Variants in DET1 observed in about 807,000 individuals in gnomAD.
DET1 encodes DET1 partner of COP1 E3 ubiquitin ligase, also known as DET1 homolog.
In DET1, 22 loss-of-function variants were observed where a neutral mutation model predicts 43.7. The observed-to-expected ratio is 0.50, with a 90% CI of 0.36 to 0.72. The LOEUF (loss-of-function observed/expected upper bound fraction) is 0.72. DET1 is among the 30% of genes least tolerant of loss of function. DET1 has a pLI of 0.00. For synonymous variants in DET1, 315 were observed against 266.2 expected (o/e 1.18, Z -1.79); for missense variants, 713 against 713.3 (o/e 1.00, Z 0.00).
At chr15:88,508,942 C>T (rs1390451530), downstream of DET1, among the ~76,000 whole-genome samples, 1 of 152,150 alleles carries the variant, frequency 6.6e-6, no homozygotes, top group Non-Finnish European at 1.5e-5. Flanking sequence ...GGAACAAAGA[C>T]CAGGGTCTTT....
chr15:88,542,460 G>A (rs780155267), intron 1 of DET1, among the ~76,000 whole-genome samples: 3 of 152,106 alleles, frequency 2.0e-5, no homozygotes, highest in African/African-American at 4.8e-5. Flanking sequence ...GTCTCCAGGA[G>A]GCTTATCGCA....
At chr15:88,530,557 A>G in intron 2 of DET1, 66 bp downstream of exon 2, 9 of 1,524,354 alleles carry the variant, frequency 5.9e-6, no homozygotes, top group Non-Finnish European at 7.9e-6. Flanking sequence ...GCTATAAACA[A>G]ACAGAGAAAC....
Position 88,530,773 on chromosome 15 carries a change from A to G in DET1, c.933T>C (p.Gly311=), listed in dbSNP as rs1367118559. 1 of 1,613,782 alleles carries G rather than the reference A, an allele frequency of 6.2e-7. No homozygotes were observed. Among genetic ancestry groups the G allele is most frequent in the Non-Finnish European group, 8.5e-7 (1 of 1,179,826 alleles). Residue 311 remains glycine (G), a synonymous_variant, in exon 2 of 5, where the codon GGT becomes GGC. Coordinates refer to ENST00000268148, the MANE Select transcript of DET1 (RefSeq NM_001144074.3). ...VYLWRRAEQD[G]SAMAKRRFFQ... is the part of the protein sequence containing the mutation. Reference sequence around the variant, plus strand: ...AGAAGCGCCTCTTGGCCATTGCACTACCATCCTGTTCTGCCCGGCGCCACA... The same window carrying G: ...AGAAGCGCCTCTTGGCCATTGCACTGCCATCCTGTTCTGCCCGGCGCCACA...
At chr15:88,537,495 C>G (rs1004941898) in intron 1 of DET1, among the ~76,000 whole-genome samples, 1 of 152,182 alleles carries the variant, frequency 6.6e-6, no homozygotes, top group Non-Finnish European at 1.5e-5. Flanking sequence ...GCTACCACAC[C>G]TGACCCCTAC....
At chr15:88,532,764 T>C (rs926478667) in intron 1 of DET1, among the ~76,000 whole-genome samples, 4 of 152,162 alleles carry the variant, frequency 2.6e-5, no homozygotes, top group African/African-American at 9.7e-5. Flanking sequence ...TCAGACCCTA[T>C]CTTACACCCT....
rs1359684334 is a variant in DET1 at position 88,504,459 on chromosome 15, C to T, written c.*2066-472G>A. The T allele has an allele frequency of 6.6e-6, 1 of 152,148 alleles. No individual in the cohort carries two copies. Among genetic ancestry groups the T allele is most frequent in the Non-Finnish European group, 1.5e-5 (1 of 68,034 alleles). 9.4% of individuals were successfully genotyped at this position (152,148 alleles called of 1,614,324 possible). On this transcript the variant is annotated intron_variant and NMD_transcript_variant, in intron 7 of 8. Transcript: ENST00000557842. The surrounding 1 kb of genome is among the most constrained non-coding windows in gnomAD (Gnocchi z 4.7). ...CTGTCACTCTAAGAACAAATTAAAC[C>T]ATGACAATGCTTATTGCTTGGAATC...
downstream of DET1, chr15:88,511,422 G>A (rs146704279): frequency 1.2e-3 from 1,188 of 985,442 alleles, 11 homozygotes; most frequent in African/African-American, 0.02. Context: ...AGCTGTATTT[G>A]CTTATTTACC....
chr15:88,530,717 C>G lies in DET1; in HGVS notation c.989G>C (p.Arg330Pro), dbSNP rs1265060262. The change falls in exon 2 of 5, where the codon CGA (arginine) becomes CCA (proline). Residue 330 changes from arginine to proline, a missense_variant. Transcript: ENST00000268148. ...ATCCAGAAGCTGCATTTTCCACATT[C>G]GCAGCTGCCGCAGTTGGTCAAAATA... ...FQYFDQLRQL[R>P]MWKMQLLDEN... 6.2e-7 allele frequency: 1 copy of G among 1,613,974 alleles called. No individual in the cohort carries two copies. Among genetic ancestry groups the G allele is most frequent in the African/African-American group, 1.3e-5 (1 of 75,042 alleles).
chr15:88,527,475 T>C, intron 3 of DET1, 124 bp downstream of exon 3: 2 of 833,926 alleles, frequency 2.4e-6, no homozygotes, highest in Non-Finnish European at 1.8e-6. Flanking sequence ...CAAGGGGTTA[T>C]AATAAGCAGA....
chr15:88,517,224 GTTTTTTT>G (rs397854316), intron 3 of DET1, among the ~76,000 whole-genome samples: 1 of 129,642 alleles, frequency 7.7e-6, no homozygotes, highest in African/African-American at 2.9e-5. Flanking sequence ...TGGGTTTTGG[GTTTTTTT>G]TTTTTTTTTT....
In DET1 at chr15:88,530,866, C is replaced by G. The variant is rs1200941887; in HGVS notation, c.840G>C (p.Gln280His). ...AVFPEVQRDS[Q>H]TGMANPFRDP... ...CCCTAAAGGGATTGGCCATGCCTGT[C>G]TGACTGTCCCGCTGTACCTCAGGGA... Residue 280 changes from glutamine to histidine, a missense_variant, in exon 2 of 5, where the codon CAG becomes CAC. Transcript: ENST00000268148. 22 of 1,613,880 alleles carry G rather than the reference C, an allele frequency of 1.4e-5. No homozygotes were observed. The highest frequency in any genetic ancestry group is 1.9e-5 in the Non-Finnish European group (22 of 1,179,894).
chr15:88,532,503 A>C (rs1173257297), intron 1 of DET1, among the ~76,000 whole-genome samples: 2 of 152,222 alleles, frequency 1.3e-5, no homozygotes, highest in African/African-American at 4.8e-5. Flanking sequence ...CAAATACACA[A>C]AATAATTTTG....
At chr15:88,520,021 T>A (rs935578432) in intron 3 of DET1, among the ~76,000 whole-genome samples, 4 of 152,098 alleles carry the variant, frequency 2.6e-5, no homozygotes, top group Admixed American at 2.6e-4. Context: ...CATCAGCACA[T>A]CTACCCAACA....
intron 3 of DET1, 71 bp downstream of exon 3, chr15:88,527,528 G>T: frequency 7.1e-7 from 1 of 1,403,312 alleles, no homozygotes; most frequent in Admixed American, 2.4e-5. Context: ...AGGTTTCCTA[G>T]AGACAACAGC....
chr15:88,522,908 G>T (rs1259134024), intron 3 of DET1, among the ~76,000 whole-genome samples: 48 of 147,338 alleles, frequency 3.3e-4, no homozygotes, highest in Non-Finnish European at 6.0e-4. Context: ...TTGAGATAGG[G>T]TCTTACTTTG....
intron 1 of DET1, among the ~76,000 whole-genome samples, chr15:88,544,071 T>G (rs1347068971): frequency 6.6e-6 from 1 of 152,180 alleles, no homozygotes; most frequent in Admixed American, 6.5e-5. Flanking sequence ...AATACGGTAG[T>G]TAAGTTCCTA....
chr15:88,527,151 C>A (rs1074526), intron 3 of DET1, among the ~76,000 whole-genome samples: 33,846 of 152,154 alleles, frequency 0.22, 4,830 homozygotes, highest in African/African-American at 0.4. Flanking sequence ...TCTTACAGAA[C>A]AAAGAGTTCT....
chr15:88,535,464 T>A (rs2056924021), intron 1 of DET1, among the ~76,000 whole-genome samples: 1 of 150,290 alleles, frequency 6.7e-6, no homozygotes, highest in African/African-American at 2.4e-5. Context: ...TAAGAAATAA[T>A]GGCTGTAATA....
At chr15:88,527,858 T>G in intron 2 of DET1, 72 bp from the exon 3 acceptor site, 1 of 1,209,200 alleles carries the variant, frequency 8.3e-7, no homozygotes, top group Non-Finnish European at 1.1e-6. Flanking sequence ...TAGCACTTAT[T>G]ACTTGGCTGA....
Sources: allele counts gnomAD v4.1 joint callset (sites outside exome capture counted in the v4.1 genomes callset), GRCh38; gene constraint gnomAD v4.1.1; non-coding constraint Gnocchi (gnomAD v3.1); transcripts MANE v1.5; gene names NCBI Gene and HGNC (gene_info 2026-07-23, HGNC 2026-07-21).